The following PFKFB3 variants were observed in gnomAD, a reference collection of about 807,000 sequenced individuals.
The protein encoded by PFKFB3 is 6-phosphofructo-2-kinase/fructose-2,6-biphosphatase 3, also known as 6-phosphofructo-2-kinase/fructose-2,6-bisphosphatase 3.
Under a neutral mutation model 68.0 loss-of-function variants are expected in PFKFB3, and 33 were observed. The observed-to-expected ratio is 0.49, with a 90% confidence interval of 0.37 to 0.65. The LOEUF (loss-of-function observed/expected upper bound fraction) is 0.65. Among genes scored for constraint, PFKFB3 ranks in the 30% least tolerant of loss-of-function variants. The probability of loss-of-function intolerance (pLI) is 0.00; values close to 1 mark genes in which losing one functional copy is unlikely to be tolerated. For synonymous variants in PFKFB3, 315 were observed against 288.2 expected, an observed-to-expected ratio of 1.09 and a Z score of -0.94; for missense variants, 586 against 712.2, an observed-to-expected ratio of 0.82 and a Z score of 2.02.
intron 1 of PFKFB3, among the ~76,000 whole-genome samples, chr10:6,176,493 G>A (rs999694300): frequency 3.9e-5 from 6 of 152,188 alleles, no homozygotes; most frequent in African/African-American, 7.2e-5. Context: ...CTGCAACCTC[G>A]AATCCTGGGC....
intron 13 of PFKFB3, 27 bp downstream of exon 13, chr10:6,224,240 T>C (rs905521810): frequency 1.9e-6 from 3 of 1,609,848 alleles, no homozygotes; most frequent in African/African-American, 2.7e-5. Context: ...AGCCTCATCC[T>C]GGCCATCATC....
Position 6,228,735 on chromosome 10 carries a change from G to C in PFKFB3, c.1515+2370G>C, listed in dbSNP as rs910030441. 2.6e-5 allele frequency among the ~76,000 whole-genome samples: 4 copies of C among 152,144 alleles called. No homozygotes were observed. Among genetic ancestry groups the C allele is most frequent in the Non-Finnish European group, 4.4e-5 (3 of 68,012 alleles). On this transcript the variant is annotated intron_variant, in intron 14 of 14. Transcript: ENST00000379775. This position sits in a 1 kb window ranked among gnomAD's most constrained non-coding sequence, Gnocchi z 4.5. ...GAGCTCTGAGCCTCTCCCTCCCCAT[G>C]AGGACCCCCCACACCCCAAAAGAGC...
In PFKFB3 at chr10:6,189,744, A is replaced by C. The variant is rs767372367; in HGVS notation, c.17-23879A>C. 3.2e-3 allele frequency among the ~76,000 whole-genome samples: 481 copies of C among 150,632 alleles called. 1 individual carries two copies. The highest frequency in any genetic ancestry group is 4.8e-3 in the Non-Finnish European group (324 of 67,470). On this transcript the variant is annotated intron_variant, in intron 1 of 14. Coordinates refer to the PFKFB3 transcript ENST00000379789. ...TGGACAGGCTGGTCTCGAACTCCTG[A>C]CCTCAAGTGATCCGCCCGCCTCGGC...
At chr10:6,248,831 A>G (rs1254694608) in intron 14 of PFKFB3, among the ~76,000 whole-genome samples, 1 of 152,156 alleles carries the variant, frequency 6.6e-6, no homozygotes, top group South Asian at 2.1e-4. Flanking sequence ...CAAAATGGCT[A>G]TTGTCAAAAA....
At chr10:6,310,196 T>TC in the PFKFB3 span, among the ~76,000 whole-genome samples, 1 of 151,916 alleles carries the variant, frequency 6.6e-6, no homozygotes. Flanking sequence ...CACTACATCC[T>TC]CCCTGCAGTA....
chr10:6,324,586 C>A, the PFKFB3 span, among the ~76,000 whole-genome samples: 1 of 152,072 alleles, frequency 6.6e-6, no homozygotes, highest in South Asian at 2.1e-4. Flanking sequence ...GCCACCACGA[C>A]CAGCTAATAC....
chr10:6,205,758 C>T (rs527705731), intron 1 of PFKFB3, among the ~76,000 whole-genome samples: 2 of 151,670 alleles, frequency 1.3e-5, no homozygotes, highest in African/African-American at 4.8e-5. Context: ...TGGAGGTCTG[C>T]AGCAGAGTTC....
the PFKFB3 span, among the ~76,000 whole-genome samples, chr10:6,264,193 G>A: frequency 1.3e-5 from 2 of 152,166 alleles, no homozygotes; most frequent in Non-Finnish European, 2.9e-5. Context: ...GCTTCTAGAT[G>A]TTCCATTACG....
chr10:6,149,302 A>G (rs1469178919), intron 1 of PFKFB3, among the ~76,000 whole-genome samples: 1 of 152,114 alleles, frequency 6.6e-6, no homozygotes, highest in African/African-American at 2.4e-5. Flanking sequence ...ATAAATAACA[A>G]TAAGGCCGGG....
the PFKFB3 span, among the ~76,000 whole-genome samples, chr10:6,299,169 T>G: frequency 1.3e-5 from 2 of 152,238 alleles, no homozygotes; most frequent in African/African-American, 4.8e-5. Context: ...TGGCTCACTC[T>G]CCTAGGGGAG....
chr10:6,219,763 CA>C, intron 7 of PFKFB3, 70 bp downstream of exon 7: 2 of 1,551,106 alleles, frequency 1.3e-6, no homozygotes, highest in Admixed American at 3.6e-5. Flanking sequence ...GATGTTCCCA[CA>C]AAGGATTTGC....
In PFKFB3 at chr10:6,215,331, GCGGGCGT is replaced by G; in HGVS notation, c.299+15_299+21del. 6.3e-7 allele frequency: 1 copy of G among 1,599,562 alleles called. No homozygotes were observed. The highest frequency in any genetic ancestry group is 8.6e-7 in the Non-Finnish European group (1 of 1,167,366). On this transcript the variant is annotated intron_variant, in intron 3 of 14. Transcript: ENST00000379775. The surrounding 1 kb of genome is among the most constrained non-coding windows in gnomAD (Gnocchi z 4.3). ...GAAAGTCCGGAAGTAAGGCTGGGCC[GCGGGCGT>G]AGGGCTGGGCTGTGGGAATAAGGCT... is the stretch of plus-strand genomic sequence containing the variant.
At chr10:6,309,761 G>A in the PFKFB3 span, among the ~76,000 whole-genome samples, 1 of 152,198 alleles carries the variant, frequency 6.6e-6, no homozygotes, top group East Asian at 1.9e-4. Context: ...AGGAATGGGG[G>A]AGAGGACAGT....
downstream of PFKFB3, among the ~76,000 whole-genome samples, chr10:6,239,022 A>G (rs75162147): frequency 2.0e-5 from 3 of 152,262 alleles, no homozygotes; most frequent in East Asian, 3.9e-4. Context: ...TAGTGCTGCA[A>G]TGAACATACG....
In PFKFB3 at chr10:6,228,616, C is replaced by T. The variant is rs1272987255; in HGVS notation, c.1515+2251C>T. Among the ~76,000 whole-genome samples, 2 of 152,126 alleles carry T rather than the reference C, an allele frequency of 1.3e-5. No individual in the cohort carries two copies. The highest frequency in any genetic ancestry group is 1.9e-4 in the East Asian group (1 of 5,182). On this transcript the variant is annotated intron_variant, in intron 14 of 14. Transcript: ENST00000379775. This position sits in a 1 kb window ranked among gnomAD's most constrained non-coding sequence, Gnocchi z 4.5. ...CCATTAGCCTTAAAGCCCCCTCCTG[C>T]CCCAGGAGTGTCCTTTGTTTTGGAA...
chr10:6,287,715 G>A, the PFKFB3 span, among the ~76,000 whole-genome samples: 5 of 151,962 alleles, frequency 3.3e-5, no homozygotes, highest in African/African-American at 9.7e-5. Flanking sequence ...CCTCTTGTCC[G>A]TTATATGATT....
chr10:6,280,727 AG>A, the PFKFB3 span, among the ~76,000 whole-genome samples: 1 of 151,980 alleles, frequency 6.6e-6, no homozygotes, highest in Non-Finnish European at 1.5e-5. Context: ...GTTAGAAGCA[AG>A]GGGGACTGTT....
At chr10:6,212,962 C>G (rs1844326169) in intron 1 of PFKFB3, among the ~76,000 whole-genome samples, 1 of 152,186 alleles carries the variant, frequency 6.6e-6, no homozygotes, top group Admixed American at 6.5e-5. Flanking sequence ...GGAATCCACC[C>G]TCTTGACTCT....
chr10:6,177,084 A>G (rs935407524), intron 1 of PFKFB3, among the ~76,000 whole-genome samples: 1 of 152,156 alleles, frequency 6.6e-6, no homozygotes, highest in East Asian at 1.9e-4. Context: ...TGTGGCTTCA[A>G]GTTCTCCTGG....
Sources: gnomAD v4.1 joint callset for allele counts (sites outside exome capture counted in the v4.1 genomes callset) on GRCh38, gnomAD v4.1.1 for gene constraint, Gnocchi (gnomAD v3.1) non-coding constraint, MANE v1.5 for transcripts, NCBI Gene and HGNC (gene_info 2026-07-23, HGNC 2026-07-21) for gene names.